PLCXD3: variants seen among roughly 807,000 people sequenced by gnomAD.
PLCXD3 encodes the protein PI-PLC X domain-containing protein 3.
PLCXD3 carries 19 observed loss-of-function variants against 25.5 expected under a neutral mutation model. The ratio of observed to expected loss-of-function variants is 0.75; its 90% confidence interval spans 0.52 to 1.09. PLCXD3 has a LOEUF of 1.09. Among genes scored for constraint, PLCXD3 ranks in the 50% least tolerant of loss-of-function variants. The pLI is 0.00. For missense variants in PLCXD3, 411 were observed against 388.1 expected (o/e 1.06, Z -0.50); for synonymous variants, 174 against 137.6 (o/e 1.26, Z -1.85).
chr5:41,358,809 G>A (rs190671445), intron 2 of PLCXD3, among the ~76,000 whole-genome samples: 19 of 152,248 alleles, frequency 1.2e-4, no homozygotes, highest in African/African-American at 2.2e-4. Flanking sequence ...CTCAGGGGGA[G>A]TGCTTTCAAC....
rs149495606 is a variant in PLCXD3 at position 41,436,906 on chromosome 5, G to A, written c.104-54372C>T. Among the ~76,000 whole-genome samples, 59 of 152,186 alleles carry A rather than the reference G, an allele frequency of 3.9e-4. No individual in the cohort carries two copies. The East Asian group carries it at 7.3e-3, about 19-fold the overall frequency. On this transcript the variant is annotated intron_variant, in intron 1 of 2. Coordinates refer to ENST00000377801, the MANE Select transcript of PLCXD3 (RefSeq NM_001005473.3). ...TCTATACTTTTAGATACTTAATATA[G>A]TCAAGGAAAACATATATACTTAAAT...
rs548122765 is a variant in PLCXD3 at position 41,308,471 on chromosome 5, C to T, written c.*5146G>A. On this transcript the variant is annotated 3_prime_UTR_variant, in exon 3 of 3. Coordinates refer to ENST00000377801, the MANE Select transcript of PLCXD3 (RefSeq NM_001005473.3). ...TTAATTAATATTCTGTAATCAGATC[C>T]AAGCCCAAAGAAGGTCACAGAATTT... 2 of 152,154 alleles carry T rather than the reference C, an allele frequency of 1.3e-5. No homozygotes were observed. Among genetic ancestry groups the T allele is most frequent in the East Asian group, 1.9e-4 (1 of 5,180 alleles). The allele number at this position is 152,154 out of a possible 1,614,324, so 9.4% of individuals were successfully genotyped here.
At chr5:41,324,762 G>A (rs977792607) in intron 2 of PLCXD3, among the ~76,000 whole-genome samples, 1 of 152,196 alleles carries the variant, frequency 6.6e-6, no homozygotes, top group African/African-American at 2.4e-5. Context: ...GCATATATGA[G>A]AAGACCAATG....
intron 1 of PLCXD3, among the ~76,000 whole-genome samples, chr5:41,474,094 T>A (rs1326241654): frequency 6.6e-6 from 1 of 152,066 alleles, no homozygotes; most frequent in African/African-American, 2.4e-5. Flanking sequence ...AAGGTAGAAA[T>A]GAAAACTTAA....
intron 1 of PLCXD3, among the ~76,000 whole-genome samples, chr5:41,493,388 G>A (rs1003212007): frequency 4.6e-5 from 7 of 152,232 alleles, no homozygotes; most frequent in African/African-American, 1.4e-4. Flanking sequence ...AGGGGTCAGG[G>A]ACCCACTTGA....
intron 1 of PLCXD3, among the ~76,000 whole-genome samples, chr5:41,427,124 G>A (rs991964445): frequency 2.0e-5 from 3 of 151,942 alleles, no homozygotes; most frequent in African/African-American, 7.2e-5. Flanking sequence ...AGTGTCCATG[G>A]GAGTTATTCA....
chr5:41,410,501 G>A (rs925673095), intron 1 of PLCXD3, among the ~76,000 whole-genome samples: 9 of 151,872 alleles, frequency 5.9e-5, no homozygotes, highest in African/African-American at 1.5e-4. Flanking sequence ...ACCGGATGTC[G>A]CAATGCCAAG....
intron 1 of PLCXD3, among the ~76,000 whole-genome samples, chr5:41,492,126 C>G (rs1419257416): frequency 6.6e-6 from 1 of 152,124 alleles, no homozygotes; most frequent in Non-Finnish European, 1.5e-5. Context: ...TTAGGGCAGT[C>G]CTGGTGGTGA....
chr5:41,501,457 TGATTCCACTTA>T, intron 1 of PLCXD3, among the ~76,000 whole-genome samples: 1 of 152,216 alleles, frequency 6.6e-6, no homozygotes, highest in East Asian at 1.9e-4. Flanking sequence ...AAATACTGCA[TGATTCCACTTA>T]GATGAGGTAT....
chr5:41,411,734 TATTTTATA>T (rs542099330), intron 1 of PLCXD3, among the ~76,000 whole-genome samples: 14,695 of 148,776 alleles, frequency 0.099, 887 homozygotes, highest in Non-Finnish European at 0.12. Context: ...TATAATTTTA[TATTTTATA>T]ATTTTATAAT....
At chr5:41,335,107 CCTCA>C (rs1743943127) in intron 2 of PLCXD3, among the ~76,000 whole-genome samples, 1 of 152,092 alleles carries the variant, frequency 6.6e-6, no homozygotes, top group Non-Finnish European at 1.5e-5. Flanking sequence ...ACAAGTAGCC[CCTCA>C]CTCAGTGCAA....
chr5:41,403,449 A>G (rs867736404), intron 1 of PLCXD3, among the ~76,000 whole-genome samples: 4 of 40,580 alleles, frequency 9.9e-5, no homozygotes, highest in African/African-American at 3.8e-4. Context: ...ACATGTGCAC[A>G]TTGTGCAGGT....
chr5:41,418,019 CA>C (rs1746732906), intron 1 of PLCXD3, among the ~76,000 whole-genome samples: 1 of 152,180 alleles, frequency 6.6e-6, no homozygotes, highest in African/African-American at 2.4e-5. Context: ...TTTCTGAAAT[CA>C]AATTCTATCA....
intron 1 of PLCXD3, among the ~76,000 whole-genome samples, chr5:41,400,827 A>C (rs1746159923): frequency 6.6e-6 from 1 of 152,052 alleles, no homozygotes; most frequent in African/African-American, 2.4e-5. Flanking sequence ...GGTCCATTTT[A>C]AAATAACTTA....
chr5:41,407,373 T>A (rs933593806), intron 1 of PLCXD3, among the ~76,000 whole-genome samples: 1 of 152,160 alleles, frequency 6.6e-6, no homozygotes, highest in Non-Finnish European at 1.5e-5. Context: ...TACATGATGA[T>A]CAACATGACA....
intron 1 of PLCXD3, among the ~76,000 whole-genome samples, chr5:41,491,887 G>C (rs318048): frequency 0.57 from 85,838 of 151,798 alleles, 25,756 homozygotes; most frequent in African/African-American, 0.79. Context: ...ACTCTTTATC[G>C]CATTTGCCAG....
At chr5:41,492,251 T>TA (rs1400642405) in intron 1 of PLCXD3, among the ~76,000 whole-genome samples, 36 of 152,230 alleles carry the variant, frequency 2.4e-4, no homozygotes, top group African/African-American at 8.4e-4. Context: ...TTAAGAATGT[T>TA]GAATATTGGC....
At chr5:41,440,587 T>C (rs932533700) in intron 1 of PLCXD3, among the ~76,000 whole-genome samples, 1 of 152,092 alleles carries the variant, frequency 6.6e-6, no homozygotes, top group Non-Finnish European at 1.5e-5. Flanking sequence ...GAGAAAATAA[T>C]ATCTATCTTA....
intron 1 of PLCXD3, among the ~76,000 whole-genome samples, chr5:41,451,788 T>G (rs1384465857): frequency 6.6e-6 from 1 of 151,980 alleles, no homozygotes; most frequent in African/African-American, 2.4e-5. Flanking sequence ...CATTTGTCAC[T>G]TTTTTGCTAG....
Sources: gnomAD v4.1 joint callset for allele counts (sites outside exome capture counted in the v4.1 genomes callset) on GRCh38, gnomAD v4.1.1 for gene constraint, MANE v1.5 for transcripts, NCBI Gene and HGNC (gene_info 2026-07-23, HGNC 2026-07-21) for gene names.